The following ADAMTSL1 variants were observed in gnomAD, a reference collection of about 807,000 sequenced individuals.
ADAMTSL1 encodes the protein ADAMTS-like protein 1.
A neutral mutation model predicts 201.8 loss-of-function variants in ADAMTSL1; 126 were observed. The ratio of observed to expected loss-of-function variants is 0.62; its 90% CI spans 0.54 to 0.72. The LOEUF (loss-of-function observed/expected upper bound fraction) is 0.72, where lower values mean the gene tolerates loss of function less well. ADAMTSL1 is among the 30% of genes least tolerant of loss of function. The pLI is 0.00. For synonymous variants in ADAMTSL1, 1,121 were observed against 903.4 expected (o/e 1.24, Z -4.32); for missense variants, 2,679 against 2,277.8 (o/e 1.18, Z -3.59).
Position 18,421,456 on chromosome 9 carries a change from G to T in ADAMTSL1, c.208-83373G>T, listed in dbSNP as rs980638976. Among the ~76,000 whole-genome samples the T allele has an allele frequency of 3.3e-5, 5 of 152,280 alleles. No individual in the cohort carries two copies. The East Asian group carries it at 9.7e-4, about 29-fold the overall frequency. On this transcript the variant is annotated intron_variant, in intron 2 of 29. Transcript: ENST00000680146. ...CAGAGCTCCTAAGCGATAGAGCCAGGATTCAAACATAGGACAGCAAAATTT... is the reference window on the plus strand; with the variant it reads ...CAGAGCTCCTAAGCGATAGAGCCAGTATTCAAACATAGGACAGCAAAATTT...
intron 23 of ADAMTSL1, among the ~76,000 whole-genome samples, chr9:18,881,595 C>G (rs568925583): frequency 2.0e-5 from 3 of 152,010 alleles, no homozygotes; most frequent in African/African-American, 7.3e-5. Flanking sequence ...CACACATAAC[C>G]GTAACAGATA....
chr9:18,795,853 A>G (rs1221456274), intron 20 of ADAMTSL1, among the ~76,000 whole-genome samples: 4 of 152,236 alleles, frequency 2.6e-5, no homozygotes, highest in African/African-American at 9.6e-5. Context: ...ATGTTGGAAC[A>G]TGAATTGTGA....
intron 19 of ADAMTSL1, among the ~76,000 whole-genome samples, chr9:18,786,167 C>A (rs985322848): frequency 6.6e-6 from 1 of 152,202 alleles, no homozygotes; most frequent in Non-Finnish European, 1.5e-5. Flanking sequence ...GGAGGTCACT[C>A]CCAGGTGATA....
chr9:18,899,542 A>T (rs1393743869), intron 26 of ADAMTSL1, among the ~76,000 whole-genome samples: 1 of 152,176 alleles, frequency 6.6e-6, no homozygotes, highest in Non-Finnish European at 1.5e-5. Context: ...ACCTGACTGC[A>T]AACTATACTA....
At chr9:18,144,980 T>A (rs111706089) in intron 1 of ADAMTSL1, among the ~76,000 whole-genome samples, 1 of 152,156 alleles carries the variant, frequency 6.6e-6, no homozygotes, top group African/African-American at 2.4e-5. Flanking sequence ...TGCAAATGCA[T>A]AGATAATAGA....
chr9:18,664,467 A>G (rs1829307328), intron 9 of ADAMTSL1, among the ~76,000 whole-genome samples: 1 of 152,138 alleles, frequency 6.6e-6, no homozygotes, highest in Non-Finnish European at 1.5e-5. Flanking sequence ...GTCCAAATTT[A>G]GAAATTCCCA....
intron 10 of ADAMTSL1, among the ~76,000 whole-genome samples, chr9:18,676,750 G>T (rs1486302386): frequency 1.3e-5 from 2 of 152,022 alleles, no homozygotes; most frequent in Admixed American, 1.3e-4. Context: ...GTTTATATCA[G>T]ATCATAAATG....
At chr9:18,034,030 T>C (rs1278040815) in intron 1 of ADAMTSL1, among the ~76,000 whole-genome samples, 1 of 152,222 alleles carries the variant, frequency 6.6e-6, no homozygotes, top group Non-Finnish European at 1.5e-5. Flanking sequence ...CAGCAGCTCT[T>C]ACTCTCAGAG....
At position 18,303,132 on chromosome 9, in the gene ADAMTSL1, A is replaced by T. The variant is rs116276562; in HGVS notation, c.207+139151A>T. On this transcript the variant is annotated intron_variant, in intron 2 of 29. Coordinates refer to the ADAMTSL1 transcript ENST00000680146. The stretch of plus-strand genomic sequence containing the variant: ...TGGTTAGTTAGTAGGTACTTATTTA[A>T]AGAAAATAATGGAAATAGATGCTGA... 2.3e-3 allele frequency among the ~76,000 whole-genome samples: 344 copies of T among 152,340 alleles called. 1 individual carries two copies. The highest frequency in any genetic ancestry group is 7.9e-3 in the African/African-American group (328 of 41,572).
chr9:18,082,524 T>C (rs1167120869), intron 1 of ADAMTSL1, among the ~76,000 whole-genome samples: 1 of 152,132 alleles, frequency 6.6e-6, no homozygotes, highest in African/African-American at 2.4e-5. Context: ...GTTGGCAGGT[T>C]AGTCATGACA....
rs1428988617 is a variant in ADAMTSL1 at position 18,706,450 on chromosome 9, T to A, written c.1575-297T>A. 2.0e-5 allele frequency among the ~76,000 whole-genome samples: 3 copies of A among 152,258 alleles called. No individual in the cohort carries two copies. In the South Asian group the frequency reaches 6.2e-4, roughly 32 times the overall value. On this transcript the variant is annotated intron_variant, in intron 13 of 28. Coordinates refer to ENST00000380548, the MANE Select transcript of ADAMTSL1 (RefSeq NM_001040272.6). Reference sequence around the variant, plus strand: ...TAGAGTGAGGAGAAGAAACCACCAATTCCCTGCTTGGAAGAGCTACCACTG... The same window carrying A: ...TAGAGTGAGGAGAAGAAACCACCAAATCCCTGCTTGGAAGAGCTACCACTG...
chr9:18,060,862 C>T (rs111594866), intron 1 of ADAMTSL1, among the ~76,000 whole-genome samples: 1 of 152,118 alleles, frequency 6.6e-6, no homozygotes, highest in Non-Finnish European at 1.5e-5. Context: ...TTTGGATTGT[C>T]CTTGCTTTAC....
chr9:18,319,324 T>C (rs1340236534), intron 2 of ADAMTSL1, among the ~76,000 whole-genome samples: 2 of 152,226 alleles, frequency 1.3e-5, no homozygotes, highest in Non-Finnish European at 2.9e-5. Context: ...CTTTCAATTA[T>C]ATTTATATTT....
At chr9:18,349,104 C>A (rs918827960) in intron 2 of ADAMTSL1, among the ~76,000 whole-genome samples, 3 of 152,138 alleles carry the variant, frequency 2.0e-5, no homozygotes, top group Non-Finnish European at 4.4e-5. Flanking sequence ...TTCAGGAAAT[C>A]CGTCCTTGGA....
chr9:18,701,326 T>C (rs182953987), intron 13 of ADAMTSL1, among the ~76,000 whole-genome samples: 136 of 150,882 alleles, frequency 9.0e-4, no homozygotes, highest in African/African-American at 3.1e-3. Flanking sequence ...TTCAAGCAAT[T>C]CTCCTGCCTC....
intron 2 of ADAMTSL1, among the ~76,000 whole-genome samples, chr9:18,406,413 C>G (rs776851236): frequency 6.6e-6 from 1 of 151,566 alleles, no homozygotes; most frequent in Non-Finnish European, 1.5e-5. Flanking sequence ...ACTGCAACCT[C>G]CGCCTCCTGG....
At chr9:18,599,849 T>C (rs1429635220) in intron 4 of ADAMTSL1, among the ~76,000 whole-genome samples, 1 of 151,424 alleles carries the variant, frequency 6.6e-6, no homozygotes, top group East Asian at 1.9e-4. Context: ...AACAGATTTT[T>C]AATCCTTTAA....
At chr9:18,273,674 A>G (rs548348277) in intron 2 of ADAMTSL1, among the ~76,000 whole-genome samples, 2 of 152,150 alleles carry the variant, frequency 1.3e-5, no homozygotes, top group Non-Finnish European at 2.9e-5. Flanking sequence ...TGGCAATTTT[A>G]TGTGTTGATC....
chr9:18,653,619 G>GAAAAAA (rs10570129), intron 7 of ADAMTSL1, among the ~76,000 whole-genome samples: 1 of 137,856 alleles, frequency 7.3e-6, no homozygotes, highest in African/African-American at 2.6e-5. Flanking sequence ...CTATGAAAAA[G>GAAAAAA]AAAAAAAAAA....
Sources: allele counts gnomAD v4.1 joint callset (sites outside exome capture counted in the v4.1 genomes callset), GRCh38; gene constraint gnomAD v4.1.1; transcripts MANE v1.5; gene names NCBI Gene and HGNC (gene_info 2026-07-23, HGNC 2026-07-21).